RASAL2: variants seen among roughly 807,000 people sequenced by gnomAD.
RASAL2 encodes RAS protein activator like 2.
RASAL2 carries 58 observed loss-of-function variants against 128.9 expected under a neutral mutation model. The ratio of observed to expected loss-of-function variants is 0.45; its 90% CI spans 0.36 to 0.56. The LOEUF is 0.56. Among genes scored for constraint, RASAL2 ranks in the 20% least tolerant of loss-of-function variants. RASAL2 has a pLI of 0.00. For missense variants in RASAL2, 1,360 were observed against 1,601.6 expected (o/e 0.85, Z 2.57); for synonymous variants, 561 against 580.8 (o/e 0.97, Z 0.49).
At chr1:178,175,949 T>C (rs1661874865) in intron 1 of RASAL2, among the ~76,000 whole-genome samples, 1 of 152,172 alleles carries the variant, frequency 6.6e-6, no homozygotes, top group South Asian at 2.1e-4. Flanking sequence ...CTTTATTCAC[T>C]TATTGGTTGA....
intron 1 of RASAL2, among the ~76,000 whole-genome samples, chr1:178,156,326 C>G (rs1234692878): frequency 6.6e-6 from 1 of 152,136 alleles, no homozygotes; most frequent in African/African-American, 2.4e-5. Context: ...AAAATTATCT[C>G]TAAGTAAGGA....
chr1:178,115,054 G>A (rs749226215), intron 1 of RASAL2, among the ~76,000 whole-genome samples: 1 of 152,092 alleles, frequency 6.6e-6, no homozygotes, highest in African/African-American at 2.4e-5. Flanking sequence ...AGTTTGTGTA[G>A]AATTAGTACT....
At chr1:178,378,844 G>A (rs1672128475) in intron 3 of RASAL2, among the ~76,000 whole-genome samples, 1 of 152,056 alleles carries the variant, frequency 6.6e-6, no homozygotes, top group Non-Finnish European at 1.5e-5. Context: ...AATGAGCTAA[G>A]CGTTTAACTC....
At chr1:178,461,544 T>C (rs998832061) in intron 14 of RASAL2, among the ~76,000 whole-genome samples, 4 of 152,222 alleles carry the variant, frequency 2.6e-5, no homozygotes, top group Non-Finnish European at 5.9e-5. Flanking sequence ...GTTTTTCATG[T>C]ATCATCTACT....
intron 1 of RASAL2, among the ~76,000 whole-genome samples, chr1:178,280,447 TA>T (rs1194707495): frequency 6.6e-6 from 1 of 152,126 alleles, no homozygotes. Context: ...TCATATTTTT[TA>T]AATTTCTCAG....
chr1:178,095,978 G>A (rs935872567), intron 1 of RASAL2, among the ~76,000 whole-genome samples: 2 of 152,152 alleles, frequency 1.3e-5, no homozygotes, highest in Non-Finnish European at 2.9e-5. Context: ...GTACCACTTT[G>A]TATTTTGCTG....
At chr1:178,246,136 G>C (rs1664757006) in intron 1 of RASAL2, among the ~76,000 whole-genome samples, 1 of 152,090 alleles carries the variant, frequency 6.6e-6, no homozygotes, top group Non-Finnish European at 1.5e-5. Flanking sequence ...GAATAGCATT[G>C]AATTTATAAA....
Position 178,445,583 on chromosome 1 carries a change from CAG to C in RASAL2, c.1554_1555del (p.Asn519HisfsTer8). 6.2e-7 allele frequency: 1 copy of C among 1,613,848 alleles called. No individual in the cohort carries two copies. The highest frequency in any genetic ancestry group is 1.1e-5 in the South Asian group (1 of 91,072). ...RCGEHDVLIF[R>X]ENTIATKSIE... Reference sequence around the variant, plus strand: ...GTGGAGAGCATGATGTCTTGATCTTCAGAGAGAACACTATTGCCACCAAATCC... The same window carrying C: ...GTGGAGAGCATGATGTCTTGATCTTCAGAGAACACTATTGCCACCAAATCC... On this transcript the variant is annotated frameshift_variant, in exon 9 of 18. Transcript: ENST00000367649. LOFTEE classifies it high-confidence loss of function.
chr1:178,411,820 C>T, intron 4 of RASAL2: 1 of 767,962 alleles, frequency 1.3e-6, no homozygotes, highest in Non-Finnish European at 2.4e-6. Context: ...GTGCAAGGAG[C>T]CAGGTATCAC....
At chr1:178,267,212 A>G (rs1312509495) in intron 1 of RASAL2, among the ~76,000 whole-genome samples, 1 of 152,058 alleles carries the variant, frequency 6.6e-6, no homozygotes, top group East Asian at 1.9e-4. Flanking sequence ...AGAACTTTAG[A>G]CTCTTCTAGC....
At chr1:178,387,341 T>C (rs181859137) in intron 3 of RASAL2, among the ~76,000 whole-genome samples, 79 of 152,188 alleles carry the variant, frequency 5.2e-4, no homozygotes, top group African/African-American at 1.9e-3. Flanking sequence ...GCATTGTATT[T>C]TTTCCCATAA....
At chr1:178,350,430 C>T (rs769342178) in intron 3 of RASAL2, among the ~76,000 whole-genome samples, 19 of 152,238 alleles carry the variant, frequency 1.2e-4, no homozygotes, top group African/African-American at 3.6e-4. Flanking sequence ...GACAGGGTTT[C>T]GCCATGATGC....
intron 2 of RASAL2, among the ~76,000 whole-genome samples, chr1:178,283,907 A>G (rs1571776160): frequency 6.6e-6 from 1 of 152,188 alleles, no homozygotes; most frequent in African/African-American, 2.4e-5. Context: ...CTAAGAAACA[A>G]TGGAAGAGAT....
chr1:178,304,890 T>C (rs1667921824), intron 3 of RASAL2, among the ~76,000 whole-genome samples: 1 of 152,180 alleles, frequency 6.6e-6, no homozygotes, highest in Non-Finnish European at 1.5e-5. Flanking sequence ...TACGATCTTA[T>C]ATTTGGAGAA....
At chr1:178,205,147 G>C (rs1471193029) in intron 1 of RASAL2, among the ~76,000 whole-genome samples, 2 of 152,036 alleles carry the variant, frequency 1.3e-5, no homozygotes, top group Non-Finnish European at 2.9e-5. Flanking sequence ...TGGGATTATA[G>C]GCGTACGCTT....
chr1:178,364,056 A>G (rs1308371077), intron 3 of RASAL2, among the ~76,000 whole-genome samples: 1 of 151,342 alleles, frequency 6.6e-6, no homozygotes, highest in African/African-American at 2.4e-5. Context: ...AGATCGCGCC[A>G]CTGCACTCCA....
intron 1 of RASAL2, among the ~76,000 whole-genome samples, chr1:178,096,488 A>AAG (rs1025729343): frequency 1.6e-5 from 2 of 123,876 alleles, no homozygotes; most frequent in Admixed American, 8.3e-5. Flanking sequence ...GTGTGTGTGT[A>AAG]AGAGAGAGAG....
intron 1 of RASAL2, among the ~76,000 whole-genome samples, chr1:178,104,346 G>GATA (rs1659013431): frequency 1.3e-5 from 2 of 152,042 alleles, no homozygotes; most frequent in South Asian, 4.1e-4. Flanking sequence ...ATATTCATGT[G>GATA]CCAGTATCAC....
intron 3 of RASAL2, among the ~76,000 whole-genome samples, chr1:178,317,413 A>T (rs1315420767): frequency 6.9e-6 from 1 of 145,774 alleles, no homozygotes; most frequent in South Asian, 2.2e-4. Context: ...CTGTGAATCC[A>T]TCTGGTCCTG....
Sources: gnomAD v4.1 joint callset for allele counts (sites outside exome capture counted in the v4.1 genomes callset) on GRCh38, gnomAD v4.1.1 for gene constraint, MANE v1.5 for transcripts, NCBI Gene and HGNC (gene_info 2026-07-23, HGNC 2026-07-21) for gene names.